SIMC1: variants seen among roughly 807,000 people sequenced by gnomAD.
The protein encoded by SIMC1 is SUMO interacting motifs containing 1.
Under a neutral mutation model 82.3 loss-of-function variants are expected in SIMC1, and 55 were observed. That is an observed-to-expected ratio of 0.67 (90% CI 0.54 to 0.84). The LOEUF (loss-of-function observed/expected upper bound fraction) is 0.84. Among genes scored for constraint, SIMC1 ranks in the 40% least tolerant of loss-of-function variants. The probability of loss-of-function intolerance (pLI) is 0.00; values close to 1 mark genes in which losing one functional copy is unlikely to be tolerated. For missense variants in SIMC1, 915 were observed against 1,107.2 expected (o/e 0.83, Z 2.46); for synonymous variants, 353 against 426.3 (o/e 0.83, Z 2.12).
chr5:176,305,736 G>A (rs1372525695), intron 4 of SIMC1, among the ~76,000 whole-genome samples: 2 of 70,942 alleles, frequency 2.8e-5, no homozygotes, highest in African/African-American at 5.7e-5. Context: ...CCGGCCAGCC[G>A]CCCCGTCCGG....
At chr5:176,275,617 G>C (rs1388751000) in intron 1 of SIMC1, among the ~76,000 whole-genome samples, 11 of 151,718 alleles carry the variant, frequency 7.3e-5, no homozygotes, top group East Asian at 1.9e-4. Context: ...GTTTGTCATA[G>C]ATAGCTCTTA....
At position 176,308,561 on chromosome 5, in the gene SIMC1, C is replaced by T. The variant is rs1026594790; in HGVS notation, c.1735-5130C>T. The T allele has an allele frequency of 3.2e-5, 51 of 1,594,066 alleles. 1 individual carries two copies. The African/African-American group carries it at 6.3e-4, about 20-fold the overall frequency. The stretch of plus-strand genomic sequence containing the variant: ...TAGAAGATAAGAACACAAGGGCTGG[C>T]CGGGTACTCTACACTTGCTTCCAAT... On this transcript the variant is annotated intron_variant, in intron 4 of 9. Coordinates refer to ENST00000429602, the MANE Select transcript of SIMC1 (RefSeq NM_001308195.2).
At chr5:176,300,314 T>C (rs1443031453) in intron 4 of SIMC1, among the ~76,000 whole-genome samples, 1 of 152,198 alleles carries the variant, frequency 6.6e-6, no homozygotes, top group African/African-American at 2.4e-5. Context: ...ATGGGGTTTT[T>C]AAACATTTCA....
chr5:176,334,244 G>A lies in SIMC1; in HGVS notation c.2172-2476G>A, dbSNP rs144450503. 2.8e-3 allele frequency among the ~76,000 whole-genome samples: 430 copies of A among 152,190 alleles called. 2 individuals are homozygous for A. The highest frequency in any genetic ancestry group is 9.7e-3 in the African/African-American group (402 of 41,542). On this transcript the variant is annotated intron_variant, in intron 7 of 9. Coordinates refer to ENST00000429602, the MANE Select transcript of SIMC1 (RefSeq NM_001308195.2). Reference sequence around the variant, plus strand: ...TGGACATTGTGGGCACTACATTGTTGAGAGTCTGGATTTTGCTCTCTTTCT... The same window carrying A: ...TGGACATTGTGGGCACTACATTGTTAAGAGTCTGGATTTTGCTCTCTTTCT...
chr5:176,274,148 A>G (rs1225204309), intron 1 of SIMC1, among the ~76,000 whole-genome samples: 1 of 146,818 alleles, frequency 6.8e-6, no homozygotes, highest in Non-Finnish European at 1.5e-5. Context: ...CTATTTCTCC[A>G]CATCCTCTCC....
intron 5 of SIMC1, among the ~76,000 whole-genome samples, chr5:176,316,166 C>A (rs1048912290): frequency 4.6e-5 from 7 of 152,006 alleles, no homozygotes; most frequent in African/African-American, 1.7e-4. Context: ...CAGAGCGAGA[C>A]TCTGTCTCAA....
At chr5:176,329,397 G>A (rs1181230536) in intron 7 of SIMC1, among the ~76,000 whole-genome samples, 1 of 152,016 alleles carries the variant, frequency 6.6e-6, no homozygotes, top group Non-Finnish European at 1.5e-5. Context: ...CGTGAACCCG[G>A]GAGGCGGAGC....
chr5:176,277,588 C>T lies in SIMC1; in HGVS notation c.130-12066C>T, dbSNP rs1053431069. Among the ~76,000 whole-genome samples the T allele has an allele frequency of 2.4e-4, 37 of 151,990 alleles. 1 individual carries two copies. The highest frequency in any genetic ancestry group is 6.1e-4 in the African/African-American group (25 of 41,288). On this transcript the variant is annotated intron_variant, in intron 1 of 9. Transcript: ENST00000429602. ...AGGGTTTTTATAGTTTTAGGTCTAA[C>T]GTTTAAGTCTTTAATCTATCTTGAA...
chr5:176,296,334 T>C lies in SIMC1; in HGVS notation c.1734+14T>C, dbSNP rs748775774. ...ATGGAGGAAGAGGTAACAACAATTA[T>C]AAGATTATATCTTCTGTAGGGGAAG... is the stretch of plus-strand genomic sequence containing the variant. On this transcript the variant is annotated intron_variant, in intron 4 of 9. Coordinates refer to ENST00000429602, the MANE Select transcript of SIMC1 (RefSeq NM_001308195.2). 9.3e-6 allele frequency: 15 copies of C among 1,612,922 alleles called. No homozygotes were observed. Among genetic ancestry groups the C allele is most frequent in the African/African-American group, 1.3e-5 (1 of 74,884 alleles).
chr5:176,308,358 G>A (rs148902663), intron 4 of SIMC1: 9 of 1,547,020 alleles, frequency 5.8e-6, no homozygotes, highest in African/African-American at 2.7e-5. Context: ...GCAGCTGTCT[G>A]CAGCTTCAAC....
At chr5:176,307,052 G>T (rs1764454537) in intron 4 of SIMC1, among the ~76,000 whole-genome samples, 1 of 152,136 alleles carries the variant, frequency 6.6e-6, no homozygotes, top group African/African-American at 2.4e-5. Flanking sequence ...CTTCTGAAAA[G>T]ATACTCAATA....
intron 7 of SIMC1, among the ~76,000 whole-genome samples, chr5:176,335,717 A>G (rs1256669181): frequency 6.6e-6 from 1 of 152,120 alleles, no homozygotes; most frequent in African/African-American, 2.4e-5. Flanking sequence ...AAGCCCTGGC[A>G]CAAAAATTAG....
chr5:176,339,849 C>T (rs577855349), intron 9 of SIMC1, among the ~76,000 whole-genome samples: 18 of 152,144 alleles, frequency 1.2e-4, no homozygotes, highest in Non-Finnish European at 1.6e-4. Flanking sequence ...AAACATTGTC[C>T]TGCAAAGAAC....
intron 4 of SIMC1, among the ~76,000 whole-genome samples, chr5:176,299,689 T>C (rs929254478): frequency 6.6e-6 from 1 of 152,064 alleles, no homozygotes; most frequent in Non-Finnish European, 1.5e-5. Context: ...TAGTAGGAGA[T>C]TCAGTACCCC....
intron 1 of SIMC1, among the ~76,000 whole-genome samples, chr5:176,282,427 C>T (rs186072816): frequency 9.2e-5 from 14 of 152,350 alleles, no homozygotes; most frequent in East Asian, 5.8e-4. Flanking sequence ...GCGCATGGTG[C>T]GCTGCACCCA....
At chr5:176,305,171 T>C (rs1372047052) in intron 4 of SIMC1, among the ~76,000 whole-genome samples, 13 of 44,166 alleles carry the variant, frequency 2.9e-4, no homozygotes, top group South Asian at 9.1e-4. Flanking sequence ...TGGCCAGCCG[T>C]GCCGTCCGGG....
At chr5:176,275,386 C>T (rs143530164) in intron 1 of SIMC1, among the ~76,000 whole-genome samples, 1 of 151,680 alleles carries the variant, frequency 6.6e-6, no homozygotes, top group South Asian at 2.1e-4. Flanking sequence ...AGACAATGGG[C>T]TTTTCTAAAT....
chr5:176,344,425 C>A (rs1311455806), intron 9 of SIMC1, among the ~76,000 whole-genome samples: 1 of 150,594 alleles, frequency 6.6e-6, no homozygotes, highest in African/African-American at 2.4e-5. Flanking sequence ...AATCCCAGCA[C>A]TTTGGGAGGC....
chr5:176,340,151 CA>C (rs1278603617), intron 9 of SIMC1, among the ~76,000 whole-genome samples: 2 of 152,108 alleles, frequency 1.3e-5, no homozygotes, highest in Non-Finnish European at 2.9e-5. Context: ...TTATATAATC[CA>C]AAAACCTTGT....
Sources: allele counts gnomAD v4.1 joint callset (sites outside exome capture counted in the v4.1 genomes callset), GRCh38; gene constraint gnomAD v4.1.1; transcripts MANE v1.5; gene names NCBI Gene and HGNC (gene_info 2026-07-23, HGNC 2026-07-21).